The following TTC39C variants were observed in gnomAD, a reference collection of about 807,000 sequenced individuals.
The protein encoded by TTC39C is tetratricopeptide repeat domain 39C, also known as tetratricopeptide repeat protein 39C.
In TTC39C, 33 loss-of-function variants were observed where a neutral mutation model predicts 76.3. The ratio of observed to expected loss-of-function variants is 0.43; its 90% CI spans 0.33 to 0.58. The LOEUF is 0.58. Ranked by LOEUF, TTC39C falls within the 20% of genes least tolerant of loss-of-function variation. The pLI, the probability that TTC39C is intolerant of heterozygous loss-of-function variation, is 0.04. For missense variants in TTC39C, 595 were observed against 701.4 expected, an observed-to-expected ratio of 0.85 and a Z score of 1.71; for synonymous variants, 254 against 260.6, an observed-to-expected ratio of 0.97 and a Z score of 0.24.
At chr18:24,109,767 G>A (rs2084788702) in intron 6 of TTC39C, among the ~76,000 whole-genome samples, 1 of 152,156 alleles carries the variant, frequency 6.6e-6, no homozygotes, top group Admixed American at 6.5e-5. Flanking sequence ...CACTTTGGGA[G>A]GCTGAGGGAG....
chr18:24,001,554 G>C (rs1228653636), intron 1 of TTC39C: 1 of 152,188 alleles, frequency 6.6e-6, no homozygotes, highest in Non-Finnish European at 1.5e-5. Flanking sequence ...CCTTTCCCTT[G>C]ACTTTCTTAC....
intron 1 of TTC39C, among the ~76,000 whole-genome samples, chr18:23,995,421 G>A (rs1241411193): frequency 6.6e-6 from 1 of 151,712 alleles, no homozygotes; most frequent in Non-Finnish European, 1.5e-5. Context: ...AGTGAGCCAA[G>A]ACTGCACCAC....
chr18:24,020,010 G>A (rs1303611844), intron 1 of TTC39C: 68 of 1,428,002 alleles, frequency 4.8e-5, no homozygotes, highest in Non-Finnish European at 5.4e-5. Flanking sequence ...CTTGCAGGCT[G>A]TCCATGATTT....
chr18:24,080,052 A>T (rs2145757237), intron 4 of TTC39C, among the ~76,000 whole-genome samples: 1 of 152,000 alleles, frequency 6.6e-6, no homozygotes, highest in South Asian at 2.1e-4. Context: ...TCTGCCCACC[A>T]CGGCCTCCCA....
intron 1 of TTC39C, among the ~76,000 whole-genome samples, chr18:24,019,481 G>T (rs2083493517): frequency 6.6e-6 from 1 of 152,158 alleles, no homozygotes; most frequent in Admixed American, 6.5e-5. Context: ...TAAAAAGCAA[G>T]AAAAATGTAT....
chr18:23,996,228 A>T (rs1391361339), intron 1 of TTC39C, among the ~76,000 whole-genome samples: 1 of 152,218 alleles, frequency 6.6e-6, no homozygotes, highest in Admixed American at 6.5e-5. Flanking sequence ...ATGTCTCTTT[A>T]TATCTTTTGC....
At chr18:24,073,466 C>T (rs2084265652) in intron 4 of TTC39C, among the ~76,000 whole-genome samples, 1 of 152,138 alleles carries the variant, frequency 6.6e-6, no homozygotes, top group Admixed American at 6.5e-5. Context: ...TTCTCTTATG[C>T]TTAATCAAGT....
chr18:24,068,301 G>A (rs982654806), intron 3 of TTC39C, among the ~76,000 whole-genome samples: 2 of 152,198 alleles, frequency 1.3e-5, no homozygotes, highest in Non-Finnish European at 2.9e-5. Flanking sequence ...AGAATAGTGA[G>A]TGCTGGGGCT....
chr18:24,014,490 CG>C, upstream of TTC39C: 1 of 162,080 alleles, frequency 6.2e-6, no homozygotes, highest in Non-Finnish European at 1.3e-5. Flanking sequence ...CGGGAGGGGC[CG>C]GGGCGCGGGG....
chr18:24,122,319 TG>T (rs2084977523), intron 8 of TTC39C, among the ~76,000 whole-genome samples: 1 of 151,688 alleles, frequency 6.6e-6, no homozygotes, highest in Non-Finnish European at 1.5e-5. Context: ...GAGGCCAATA[TG>T]GTGAAACCCC....
chr18:24,070,158 T>C (rs756098372), intron 4 of TTC39C, among the ~76,000 whole-genome samples: 10 of 152,198 alleles, frequency 6.6e-5, no homozygotes, highest in Non-Finnish European at 1.5e-4. Flanking sequence ...GTACGAACGA[T>C]GCTTGGCTTC....
At chr18:24,001,109 C>T (rs1261054772) in intron 1 of TTC39C, among the ~76,000 whole-genome samples, 2 of 152,202 alleles carry the variant, frequency 1.3e-5, no homozygotes, top group Non-Finnish European at 2.9e-5. Context: ...ACTCGATTAT[C>T]CTGTCTGAAG....
At chr18:24,050,636 C>G (rs954433205) in intron 1 of TTC39C, among the ~76,000 whole-genome samples, 3 of 148,336 alleles carry the variant, frequency 2.0e-5, no homozygotes, top group African/African-American at 5.0e-5. Flanking sequence ...CTTTGGGAGG[C>G]TGAGGAGGGT....
chr18:24,059,748 A>C lies in TTC39C; in HGVS notation c.168-4392A>C, dbSNP rs1052455648. ...CCCAGTAACAGGATTCCTGGGTTGA[A>C]TGGTATATTAGTTTGTTTTCACGCT... On this transcript the variant is annotated intron_variant, in intron 1 of 13. Coordinates refer to ENST00000317571, the MANE Select transcript of TTC39C (RefSeq NM_001135993.2). Among the ~76,000 whole-genome samples, 6 of 152,216 alleles carry C rather than the reference A, an allele frequency of 3.9e-5. No individual in the cohort carries two copies. In the East Asian group the frequency reaches 5.8e-4, roughly 15 times the overall value.
rs771902379 is a variant in TTC39C, at chr18:23,997,058, G to A, written c.-17+4020G>A. ...CAGGAGGCAGAGGTTACAGTGAGCCGAGATCGCACCACTGCACTCCAGCCT... is the reference window on the plus strand; with the variant it reads ...CAGGAGGCAGAGGTTACAGTGAGCCAAGATCGCACCACTGCACTCCAGCCT... On this transcript the variant is annotated intron_variant, in intron 1 of 13. Coordinates refer to the TTC39C transcript ENST00000304621. 3.3e-5 allele frequency among the ~76,000 whole-genome samples: 5 copies of A among 151,872 alleles called. No individual in the cohort carries two copies. The East Asian group carries it at 7.8e-4, about 24-fold the overall frequency.
At chr18:24,026,025 TCACA>T (rs1450081557) in intron 1 of TTC39C, among the ~76,000 whole-genome samples, 1 of 152,132 alleles carries the variant, frequency 6.6e-6, no homozygotes, top group Non-Finnish European at 1.5e-5. Flanking sequence ...TAAACACCAG[TCACA>T]CACACATTGC....
intron 6 of TTC39C, among the ~76,000 whole-genome samples, chr18:24,103,862 C>T (rs2084710019): frequency 6.6e-6 from 1 of 151,954 alleles, no homozygotes; most frequent in South Asian, 2.1e-4. Context: ...TACATTATGT[C>T]ATGTCTCTGT....
chr18:24,037,318 A>G (rs1392011220), intron 1 of TTC39C, among the ~76,000 whole-genome samples: 3 of 152,214 alleles, frequency 2.0e-5, no homozygotes, highest in Non-Finnish European at 4.4e-5. Context: ...ATTCCCTGAC[A>G]TAATATTTCC....
chr18:24,116,031 T>G (rs1361413842), intron 7 of TTC39C, among the ~76,000 whole-genome samples: 1 of 152,232 alleles, frequency 6.6e-6, no homozygotes, highest in Non-Finnish European at 1.5e-5. Context: ...ACTCAGGAGT[T>G]GGTAGTAACT....
Sources: gnomAD v4.1 joint callset for allele counts (sites outside exome capture counted in the v4.1 genomes callset) on GRCh38, gnomAD v4.1.1 for gene constraint, MANE v1.5 for transcripts, NCBI Gene and HGNC (gene_info 2026-07-23, HGNC 2026-07-21) for gene names.